Variants in COL19A1 observed in about 807,000 individuals in gnomAD.
COL19A1 encodes the protein collagen alpha-1(XIX) chain.
In COL19A1, 159 loss-of-function variants were observed where a neutral mutation model predicts 190.2. The ratio of observed to expected loss-of-function variants is 0.84; its 90% confidence interval spans 0.73 to 0.95. The LOEUF is 0.95. Ranked by LOEUF, COL19A1 falls within the 40% of genes least tolerant of loss-of-function variation. The pLI is 0.00. For synonymous variants in COL19A1, 509 were observed against 458.9 expected (o/e 1.11, Z -1.39); for missense variants, 1,418 against 1,431.9 (o/e 0.99, Z 0.16).
At chr6:69,906,123 C>T (rs1483273340) in intron 4 of COL19A1, among the ~76,000 whole-genome samples, 7 of 152,084 alleles carry the variant, frequency 4.6e-5, no homozygotes, top group Non-Finnish European at 8.8e-5. Flanking sequence ...TATAGAGTAC[C>T]TTATTTTCTT....
rs1468160978 is a variant in COL19A1 at position 70,000,575 on chromosome 6, A to G, written c.1027-23052A>G. 2.6e-5 allele frequency among the ~76,000 whole-genome samples: 4 copies of G among 152,098 alleles called. No homozygotes were observed. In the East Asian group the frequency reaches 7.7e-4, roughly 29 times the overall value. On this transcript the variant is annotated intron_variant, in intron 11 of 50. Transcript: ENST00000620364. ...TAATTGCCATTCTGACTGGCATGAG[A>G]TAGTATCTCATTGTGGTTTTGATTT...
chr6:70,113,842 C>CTTTTTTTTTTTTTTTTTTTGTTT (rs1784412753), intron 16 of COL19A1, among the ~76,000 whole-genome samples: 1 of 64,136 alleles, frequency 1.6e-5, no homozygotes, highest in African/African-American at 6.9e-5. Flanking sequence ...CCAAGTCTTT[C>CTTTTTTTTTTTTTTTTTTTGTTT]TTTTTTTTTT....
At chr6:70,069,799 G>A (rs1430717135) in intron 15 of COL19A1, among the ~76,000 whole-genome samples, 1 of 152,112 alleles carries the variant, frequency 6.6e-6, no homozygotes, top group Non-Finnish European at 1.5e-5. Flanking sequence ...ACTGATCCTT[G>A]TTGTTAAATT....
intron 11 of COL19A1, among the ~76,000 whole-genome samples, chr6:69,972,989 A>G (rs912880989): frequency 6.6e-6 from 1 of 152,214 alleles, no homozygotes; most frequent in African/African-American, 2.4e-5. Context: ...AAGGAAATTT[A>G]TTCACTCAAT....
chr6:69,997,693 G>C (rs1419479554), intron 11 of COL19A1, among the ~76,000 whole-genome samples: 1 of 151,994 alleles, frequency 6.6e-6, no homozygotes, highest in Non-Finnish European at 1.5e-5. Context: ...TCTAAAGAAA[G>C]ACGAGAAAGA....
At chr6:70,007,442 TA>T (rs1295806057) in intron 11 of COL19A1, among the ~76,000 whole-genome samples, 2 of 152,134 alleles carry the variant, frequency 1.3e-5, no homozygotes, top group East Asian at 1.9e-4. Context: ...ATAATAGTAT[TA>T]CACAGACTCT....
In COL19A1 at chr6:70,044,932, G is replaced by T. The variant is rs1033921466; in HGVS notation, c.1170+8993G>T. ...AGTGAAGTTTATTTTATATTAAATAGTGTCTATTTCTCTGCTGTTATTTCC... is the reference window on the plus strand; with the variant it reads ...AGTGAAGTTTATTTTATATTAAATATTGTCTATTTCTCTGCTGTTATTTCC... On this transcript the variant is annotated intron_variant, in intron 14 of 50. Coordinates refer to ENST00000620364, the MANE Select transcript of COL19A1 (RefSeq NM_001858.6). Among the ~76,000 whole-genome samples the T allele has an allele frequency of 8.6e-5, 13 of 152,016 alleles. No individual in the cohort carries two copies. In the East Asian group the frequency reaches 2.5e-3, roughly 29 times the overall value.
intron 48 of COL19A1, among the ~76,000 whole-genome samples, chr6:70,191,137 T>C (rs1029700942): frequency 2.6e-5 from 4 of 152,226 alleles, no homozygotes; most frequent in African/African-American, 9.6e-5. Context: ...GAGAAAGTTC[T>C]GACCCCTGCT....
intron 11 of COL19A1, among the ~76,000 whole-genome samples, chr6:69,979,450 A>G (rs1271812421): frequency 2.0e-5 from 3 of 151,916 alleles, no homozygotes; most frequent in South Asian, 4.1e-4. Flanking sequence ...GAAGCTTTTG[A>G]TAATATGCAA....
At chr6:70,170,701 T>A (rs1765447729) in intron 40 of COL19A1, among the ~76,000 whole-genome samples, 1 of 152,148 alleles carries the variant, frequency 6.6e-6, no homozygotes, top group Non-Finnish European at 1.5e-5. Context: ...ATCTGAACTT[T>A]TTTTTTTGAT....
chr6:70,133,372 C>T (rs1167603900), intron 18 of COL19A1, among the ~76,000 whole-genome samples: 1 of 152,174 alleles, frequency 6.6e-6, no homozygotes, highest in East Asian at 1.9e-4. Context: ...CAGCCACATC[C>T]TGTATCAAGA....
At chr6:69,966,089 T>C (rs1244581539) in intron 11 of COL19A1, among the ~76,000 whole-genome samples, 1 of 152,218 alleles carries the variant, frequency 6.6e-6, no homozygotes, top group Admixed American at 6.5e-5. Flanking sequence ...ACTCTTGTTA[T>C]GTAACCAAAT....
In COL19A1 at chr6:70,206,947, G is replaced by A; in HGVS notation, c.3270G>A (p.Leu1090=). 6.2e-7 allele frequency: 1 copy of A among 1,613,874 alleles called. No homozygotes were observed. Among genetic ancestry groups the A allele is most frequent in the Non-Finnish European group, 8.5e-7 (1 of 1,179,884 alleles). Residue 1090 remains leucine, a synonymous_variant, in exon 50 of 51, where the codon CTG becomes CTA. Coordinates refer to ENST00000620364, the MANE Select transcript of COL19A1 (RefSeq NM_001858.6). ...KGERGEPGIG[L]PGSPGLPGTS... is the part of the protein sequence containing the mutation. ...AAAGAGGTGAACCTGGAATTGGGCT[G>A]CCAGGGAGTCCAGGTCTTCCTGGGA...
intron 2 of COL19A1, among the ~76,000 whole-genome samples, chr6:69,895,174 G>C (rs1769633236): frequency 6.6e-6 from 1 of 152,142 alleles, no homozygotes; most frequent in Non-Finnish European, 1.5e-5. Context: ...ACTGCGTAGG[G>C]TGTGGGGATC....
chr6:70,170,653 A>G (rs968193767), intron 40 of COL19A1, among the ~76,000 whole-genome samples: 2 of 152,076 alleles, frequency 1.3e-5, no homozygotes, highest in African/African-American at 4.8e-5. Flanking sequence ...TTTGTCAGCA[A>G]CCTAGGGCCT....
intron 9 of COL19A1, among the ~76,000 whole-genome samples, chr6:69,955,267 A>C (rs944491203): frequency 6.6e-6 from 1 of 152,118 alleles, no homozygotes; most frequent in Non-Finnish European, 1.5e-5. Flanking sequence ...TAGCTTTGCT[A>C]TGTGTAGGAA....
intron 16 of COL19A1, among the ~76,000 whole-genome samples, chr6:70,111,922 A>G (rs770297784): frequency 6.6e-6 from 1 of 152,164 alleles, no homozygotes; most frequent in Non-Finnish European, 1.5e-5. Context: ...CTTGGCCTCT[A>G]TGTAACTTGG....
At chr6:70,022,838 C>G (rs897219358) in intron 11 of COL19A1, among the ~76,000 whole-genome samples, 5 of 152,068 alleles carry the variant, frequency 3.3e-5, no homozygotes, top group African/African-American at 1.2e-4. Flanking sequence ...AACTAGTTTC[C>G]TATTATTGGA....
chr6:69,998,079 C>T (rs1380714153), intron 11 of COL19A1, among the ~76,000 whole-genome samples: 1 of 151,682 alleles, frequency 6.6e-6, no homozygotes, highest in Admixed American at 6.6e-5. Context: ...ACTCAAAGTG[C>T]AAAAATAAAA....
Sources: allele counts gnomAD v4.1 joint callset (sites outside exome capture counted in the v4.1 genomes callset), GRCh38; gene constraint gnomAD v4.1.1; transcripts MANE v1.5; gene names NCBI Gene and HGNC (gene_info 2026-07-23, HGNC 2026-07-21).